The following TMTC2 variants were observed in gnomAD, a reference collection of about 807,000 sequenced individuals.
The protein encoded by TMTC2 is protein O-mannosyl-transferase TMTC2.
TMTC2 carries 43 observed loss-of-function variants against 82.4 expected under a neutral mutation model. The ratio of observed to expected loss-of-function variants is 0.52; its 90% CI spans 0.41 to 0.67. The LOEUF (loss-of-function observed/expected upper bound fraction) is 0.67. Among genes scored for constraint, TMTC2 ranks in the 30% least tolerant of loss-of-function variants. The probability of loss-of-function intolerance (pLI) is 0.00; values close to 1 mark genes in which losing one functional copy is unlikely to be tolerated. For missense variants in TMTC2, 919 were observed against 1,012.4 expected (o/e 0.91, Z 1.25); for synonymous variants, 408 against 381.9 (o/e 1.07, Z -0.80).
At chr12:82,850,595 A>C (rs1870923350) in intron 1 of TMTC2, among the ~76,000 whole-genome samples, 1 of 152,156 alleles carries the variant, frequency 6.6e-6, no homozygotes, top group South Asian at 2.1e-4. Context: ...CAAGGTCCTC[A>C]AAAAGATAGG....
At chr12:83,115,415 T>C (rs981428655) in intron 11 of TMTC2, among the ~76,000 whole-genome samples, 1 of 152,220 alleles carries the variant, frequency 6.6e-6, no homozygotes, top group African/African-American at 2.4e-5. Context: ...GATGCTTGCC[T>C]GTTGTGCATA....
chr12:82,988,441 T>A (rs1879261916), intron 8 of TMTC2, among the ~76,000 whole-genome samples: 1 of 151,978 alleles, frequency 6.6e-6, no homozygotes, highest in South Asian at 2.1e-4. Flanking sequence ...AGTATTCAGG[T>A]CTCTCCCCTT....
intron 8 of TMTC2, among the ~76,000 whole-genome samples, chr12:83,006,750 A>G (rs982278271): frequency 2.0e-4 from 31 of 152,324 alleles, no homozygotes; most frequent in African/African-American, 5.8e-4. Flanking sequence ...TGGCACATAT[A>G]TACCATGGAA....
chr12:82,748,289 C>T (rs758737284), intron 1 of TMTC2, among the ~76,000 whole-genome samples: 15 of 151,582 alleles, frequency 9.9e-5, no homozygotes, highest in East Asian at 1.9e-4. Context: ...CCAGCGTGGG[C>T]GACAGAGTGT....
chr12:82,886,529 T>C (rs867819417), intron 2 of TMTC2, among the ~76,000 whole-genome samples: 1 of 152,162 alleles, frequency 6.6e-6, no homozygotes, highest in African/African-American at 2.4e-5. Context: ...CTCATTATAA[T>C]CCGAAATACT....
intron 2 of TMTC2, among the ~76,000 whole-genome samples, chr12:82,884,925 G>A (rs1264306993): frequency 6.6e-6 from 1 of 152,030 alleles, no homozygotes; most frequent in African/African-American, 2.4e-5. Flanking sequence ...ACAGGGTCTA[G>A]CTCTGTTACC....
chr12:82,808,936 T>G (rs1879365857), intron 1 of TMTC2, among the ~76,000 whole-genome samples: 1 of 151,658 alleles, frequency 6.6e-6, no homozygotes, highest in Non-Finnish European at 1.5e-5. Context: ...TATAATCTCT[T>G]TTTCCACTTG....
chr12:82,863,864 C>T (rs780480871), intron 2 of TMTC2, among the ~76,000 whole-genome samples: 1 of 151,958 alleles, frequency 6.6e-6, no homozygotes. Context: ...GAGAATAGTG[C>T]ATGTAAATAT....
intron 1 of TMTC2, among the ~76,000 whole-genome samples, chr12:82,775,390 C>T (rs893736885): frequency 6.6e-6 from 1 of 151,672 alleles, no homozygotes; most frequent in Non-Finnish European, 1.5e-5. Flanking sequence ...ATTGAGGCTG[C>T]ATTGAACTAT....
At chr12:82,889,995 C>T (rs1214628203) in intron 2 of TMTC2, among the ~76,000 whole-genome samples, 1 of 152,116 alleles carries the variant, frequency 6.6e-6, no homozygotes, top group African/African-American at 2.4e-5. Flanking sequence ...CCAAGTCATA[C>T]ATGATACAAA....
At chr12:83,114,480 TG>T (rs1408624044) in intron 11 of TMTC2, among the ~76,000 whole-genome samples, 1 of 152,192 alleles carries the variant, frequency 6.6e-6, no homozygotes, top group Non-Finnish European at 1.5e-5. Context: ...CTGAACTGAC[TG>T]GGAAACCATC....
At chr12:82,856,832 A>G (rs943591856) in intron 1 of TMTC2, among the ~76,000 whole-genome samples, 178 bp from the exon 2 acceptor site, 4 of 152,084 alleles carry the variant, frequency 2.6e-5, no homozygotes, top group African/African-American at 9.7e-5. Flanking sequence ...AACAACCCTC[A>G]TTGTGGTTTT....
chr12:83,010,991 T>TGGA (rs1693898573), intron 8 of TMTC2, among the ~76,000 whole-genome samples: 2 of 152,080 alleles, frequency 1.3e-5, no homozygotes, highest in Non-Finnish European at 2.9e-5. Context: ...TGTGACTCCA[T>TGGA]GCCCAGCTAA....
At chr12:82,962,407 A>C (rs1163472734) in intron 4 of TMTC2, among the ~76,000 whole-genome samples, 3 of 152,084 alleles carry the variant, frequency 2.0e-5, no homozygotes, top group African/African-American at 7.2e-5. Flanking sequence ...TGACAGAAGC[A>C]TAAAGATAAA....
At chr12:83,056,705 G>A (rs561180319) in intron 10 of TMTC2, among the ~76,000 whole-genome samples, 13 of 151,796 alleles carry the variant, frequency 8.6e-5, no homozygotes, top group Admixed American at 5.3e-4. Context: ...CCAAAACCAC[G>A]CGAAAGTCAC....
intron 1 of TMTC2, 113 bp from the exon 2 acceptor site, chr12:82,856,897 C>CACAAAGCTACATAGTA: frequency 1.9e-6 from 2 of 1,054,836 alleles, no homozygotes; most frequent in African/African-American, 1.6e-5. Flanking sequence ...GGAATCCCAT[C>CACAAAGCTACATAGTA]ACAAAGCTAC....
intron 11 of TMTC2, among the ~76,000 whole-genome samples, chr12:83,089,853 A>AAC (rs1883787557): frequency 7.3e-6 from 1 of 136,060 alleles, no homozygotes; most frequent in African/African-American, 2.5e-5. Flanking sequence ...AAAACAAAAA[A>AAC]AAAAAAACTA....
intron 1 of TMTC2, among the ~76,000 whole-genome samples, chr12:82,831,366 G>A (rs1045030931): frequency 1.3e-5 from 2 of 152,200 alleles, no homozygotes; most frequent in African/African-American, 4.8e-5. Context: ...GAAGGGGAAA[G>A]AATGAGAGCC....
chr12:82,759,663 A>G (rs1367169446), intron 1 of TMTC2: 4 of 152,232 alleles, frequency 2.6e-5, no homozygotes, highest in Non-Finnish European at 4.4e-5. Flanking sequence ...TTGCTTTATG[A>G]AAAGCTGGAA....
Sources: allele counts gnomAD v4.1 joint callset (sites outside exome capture counted in the v4.1 genomes callset), GRCh38; gene constraint gnomAD v4.1.1; transcripts MANE v1.5; gene names NCBI Gene and HGNC (gene_info 2026-07-23, HGNC 2026-07-21).